The following XKR6 variants were observed in gnomAD, a reference collection of about 807,000 sequenced individuals.
XKR6 encodes the protein XK-related protein 6.
A neutral mutation model predicts 56.7 loss-of-function variants in XKR6; 22 were observed. The observed-to-expected ratio is 0.39, with a 90% CI of 0.28 to 0.55. XKR6 has a LOEUF of 0.55. Among genes scored for constraint, XKR6 ranks in the 20% least tolerant of loss-of-function variants. The probability of loss-of-function intolerance (pLI) is 0.66; values close to 1 mark genes in which losing one functional copy is unlikely to be tolerated. For synonymous variants in XKR6, 524 were observed against 387.8 expected, an observed-to-expected ratio of 1.35 and a Z score of -4.13; for missense variants, 852 against 889.0, an observed-to-expected ratio of 0.96 and a Z score of 0.53.
In XKR6 at chr8:10,983,493, A is replaced by G. The variant is rs1219126544; in HGVS notation, c.765-58663T>C. ...TGGAAAGATAGAAAAGGTAAAGAGA[A>G]CAATTATCACAGAAAAAAATAGTCA... On this transcript the variant is annotated intron_variant, in intron 1 of 2. Coordinates refer to ENST00000416569, the MANE Select transcript of XKR6 (RefSeq NM_173683.4). Among the ~76,000 whole-genome samples, 3 of 152,314 alleles carry G rather than the reference A, an allele frequency of 2.0e-5. No homozygotes were observed. In the East Asian group the frequency reaches 5.8e-4, roughly 29 times the overall value.
intron 1 of XKR6, among the ~76,000 whole-genome samples, chr8:11,058,479 C>A (rs1163283051): frequency 6.6e-6 from 1 of 152,196 alleles, no homozygotes; most frequent in Non-Finnish European, 1.5e-5. Flanking sequence ...AAATGTGGCA[C>A]ATATATACCA....
intron 1 of XKR6, among the ~76,000 whole-genome samples, chr8:10,985,916 G>A (rs1172483034): frequency 6.6e-6 from 1 of 152,168 alleles, no homozygotes; most frequent in Admixed American, 6.6e-5. Flanking sequence ...AGAACCAGTG[G>A]ATTTTTAACT....
intron 1 of XKR6, among the ~76,000 whole-genome samples, chr8:10,972,521 C>T (rs1249754977): frequency 6.6e-6 from 1 of 152,146 alleles, no homozygotes; most frequent in African/African-American, 2.4e-5. Flanking sequence ...ATCATGGAAT[C>T]GTATTGCACA....
chr8:11,176,961 G>A (rs895590152), intron 1 of XKR6, among the ~76,000 whole-genome samples: 10 of 152,196 alleles, frequency 6.6e-5, no homozygotes, highest in African/African-American at 2.4e-4. Context: ...GGGGAGGAGA[G>A]GGCAAACATG....
chr8:11,078,765 C>G (rs975825637), intron 1 of XKR6, among the ~76,000 whole-genome samples: 3 of 152,126 alleles, frequency 2.0e-5, no homozygotes, highest in African/African-American at 7.2e-5. Context: ...CCCAGAATGA[C>G]GAGAGAGGAC....
intron 1 of XKR6, among the ~76,000 whole-genome samples, chr8:11,049,961 G>T (rs902953449): frequency 6.6e-6 from 1 of 152,098 alleles, no homozygotes. Context: ...AGCGTCCATT[G>T]CCTTTCCCGG....
intron 1 of XKR6, among the ~76,000 whole-genome samples, chr8:10,945,997 A>G (rs1230764382): frequency 6.6e-6 from 1 of 151,874 alleles, no homozygotes; most frequent in Non-Finnish European, 1.5e-5. Context: ...CTTTCCAACC[A>G]AGCAAGACAA....
chr8:11,061,087 C>G (rs1018581499), intron 1 of XKR6, among the ~76,000 whole-genome samples: 1 of 152,214 alleles, frequency 6.6e-6, no homozygotes, highest in Admixed American at 6.5e-5. Flanking sequence ...GATGAAACAG[C>G]TGGGACACAG....
Position 10,979,831 on chromosome 8 carries a change from G to A in XKR6, c.765-55001C>T, listed in dbSNP as rs74617616. ...GGGAGATCCAGGGCTGTGCCGTCAC[G>A]CACAGACTCCCAGGCTGAGGTCTTT... On this transcript the variant is annotated intron_variant, in intron 1 of 2. Coordinates refer to ENST00000416569, the MANE Select transcript of XKR6 (RefSeq NM_173683.4). 7.9e-5 allele frequency among the ~76,000 whole-genome samples: 12 copies of A among 152,268 alleles called. No individual in the cohort carries two copies. The East Asian group carries it at 1.5e-3, about 20-fold the overall frequency.
At chr8:11,032,926 T>C (rs1457992539) in intron 1 of XKR6, among the ~76,000 whole-genome samples, 1 of 152,106 alleles carries the variant, frequency 6.6e-6, no homozygotes, top group African/African-American at 2.4e-5. Context: ...ACCATGAAGA[T>C]AAAAAGATGA....
At chr8:11,164,312 G>A (rs940818061) in intron 1 of XKR6, among the ~76,000 whole-genome samples, 1 of 152,180 alleles carries the variant, frequency 6.6e-6, no homozygotes, top group East Asian at 1.9e-4. Flanking sequence ...CAATTACTTA[G>A]GTACTCGCTA....
chr8:11,059,723 C>T (rs1160334346), intron 1 of XKR6, among the ~76,000 whole-genome samples: 2 of 149,942 alleles, frequency 1.3e-5, no homozygotes, highest in African/African-American at 4.9e-5. Flanking sequence ...CCCGGCTCCC[C>T]GGCCCGCGCC....
intron 1 of XKR6, among the ~76,000 whole-genome samples, chr8:10,975,000 A>T (rs1473065947): frequency 1.3e-5 from 2 of 152,128 alleles, no homozygotes; most frequent in South Asian, 2.1e-4. Context: ...GCTTTTTTTT[A>T]AAAAGAACAT....
chr8:11,087,286 C>G (rs879352237), intron 1 of XKR6, among the ~76,000 whole-genome samples: 4 of 152,156 alleles, frequency 2.6e-5, no homozygotes, highest in African/African-American at 7.2e-5. Flanking sequence ...ATTGGTGAAC[C>G]GTCCACATGC....
At chr8:10,975,244 G>C (rs922432790) in intron 1 of XKR6, among the ~76,000 whole-genome samples, 1 of 152,200 alleles carries the variant, frequency 6.6e-6, no homozygotes, top group Non-Finnish European at 1.5e-5. Context: ...GGCAGGGGGA[G>C]TGTGGGTGGC....
At chr8:11,184,925 T>A (rs1303196722) in intron 1 of XKR6, among the ~76,000 whole-genome samples, 14 of 152,172 alleles carry the variant, frequency 9.2e-5, no homozygotes. Context: ...ATACAGCACA[T>A]CCTCAAATAA....
intron 1 of XKR6, chr8:11,123,773 A>C (rs891936426): frequency 6.9e-6 from 3 of 433,310 alleles, no homozygotes; most frequent in African/African-American, 6.1e-5. Flanking sequence ...AAAATGAAAA[A>C]CAAAAAAGTC....
At chr8:11,127,058 G>A (rs1046335387) in intron 1 of XKR6, among the ~76,000 whole-genome samples, 1 of 152,078 alleles carries the variant, frequency 6.6e-6, no homozygotes, top group African/African-American at 2.4e-5. Flanking sequence ...TTACAACAGG[G>A]TTATACTCTA....
intron 1 of XKR6, among the ~76,000 whole-genome samples, chr8:11,076,770 A>C (rs1018837544): frequency 5.9e-5 from 9 of 152,216 alleles, no homozygotes; most frequent in African/African-American, 2.2e-4. Flanking sequence ...TGGCCTGGCC[A>C]ACTCTGGGCC....
Sources: gnomAD v4.1 joint callset for allele counts (sites outside exome capture counted in the v4.1 genomes callset) on GRCh38, gnomAD v4.1.1 for gene constraint, MANE v1.5 for transcripts, NCBI Gene and HGNC (gene_info 2026-07-23, HGNC 2026-07-21) for gene names.